Variants in RNF180 observed in about 807,000 individuals in gnomAD.
The protein encoded by RNF180 is E3 ubiquitin-protein ligase RNF180.
Under a neutral mutation model 59.2 loss-of-function variants are expected in RNF180, and 38 were observed. That is an observed-to-expected ratio of 0.64 (90% CI 0.50 to 0.84). RNF180 has a LOEUF of 0.84. Ranked by LOEUF, RNF180 falls within the 40% of genes least tolerant of loss-of-function variation. The pLI is 0.00. For missense variants in RNF180, 705 were observed against 700.9 expected (o/e 1.01, Z -0.07); for synonymous variants, 262 against 240.3 (o/e 1.09, Z -0.84).
At chr5:64,345,783 A>T (rs892831647) in intron 7 of RNF180, among the ~76,000 whole-genome samples, 1 of 152,160 alleles carries the variant, frequency 6.6e-6, no homozygotes, top group Non-Finnish European at 1.5e-5. Context: ...TACTGACCAA[A>T]ACCTACTATT....
intron 7 of RNF180, among the ~76,000 whole-genome samples, chr5:64,362,043 T>C (rs1321929581): frequency 6.6e-6 from 1 of 151,472 alleles, no homozygotes. Flanking sequence ...ATTAATTTAA[T>C]AAATTTATTT....
chr5:64,213,879 G>C lies in RNF180; in HGVS notation c.553G>C (p.Glu185Gln). 4 of 1,614,108 alleles carry C rather than the reference G, an allele frequency of 2.5e-6. No homozygotes were observed. Among genetic ancestry groups the C allele is most frequent in the Non-Finnish European group, 2.5e-6 (3 of 1,180,006 alleles). Reference sequence around the variant, plus strand: ...AAGATTAACAGAAGCACTCTGCCTGGAGGTGCGACCAACATATTTTGAGAT... The same window carrying C: ...AAGATTAACAGAAGCACTCTGCCTGCAGGTGCGACCAACATATTTTGAGAT... ...PGRLTEALCL[E>Q]VRPTYFEMKN... The change falls in exon 4 of 8, where the codon GAG becomes CAG. Residue 185 changes from glutamate to glutamine, a missense_variant. By Grantham distance (29) the Glu-to-Gln change is conservative (BLOSUM62 2). Transcript: ENST00000389100.
At chr5:64,211,392 C>T (rs1752302530) in intron 2 of RNF180, among the ~76,000 whole-genome samples, 1 of 152,138 alleles carries the variant, frequency 6.6e-6, no homozygotes, top group Middle Eastern at 3.2e-3. Context: ...GTTTGTCCCC[C>T]TCTTCTTCCT....
At chr5:64,276,724 ATAATG>A (rs1387829718) in intron 5 of RNF180, among the ~76,000 whole-genome samples, 2 of 152,144 alleles carry the variant, frequency 1.3e-5, no homozygotes, top group African/African-American at 4.8e-5. Flanking sequence ...ACAAATCAAA[ATAATG>A]TAAACTCAGG....
intron 7 of RNF180, among the ~76,000 whole-genome samples, chr5:64,360,110 T>G (rs942487333): frequency 6.6e-6 from 1 of 151,876 alleles, no homozygotes; most frequent in Non-Finnish European, 1.5e-5. Context: ...ATTGACTTGG[T>G]TATGCGGGCT....
intron 5 of RNF180, among the ~76,000 whole-genome samples, chr5:64,281,661 GCT>G (rs1742016314): frequency 2.0e-5 from 3 of 152,036 alleles, no homozygotes; most frequent in Non-Finnish European, 4.4e-5. Flanking sequence ...ACCATGCCTG[GCT>G]AATTTTGTAT....
At chr5:64,349,593 C>T (rs779897877) in intron 7 of RNF180, among the ~76,000 whole-genome samples, 21 of 151,886 alleles carry the variant, frequency 1.4e-4, no homozygotes, top group Non-Finnish European at 2.8e-4. Flanking sequence ...TTGCCCCCCA[C>T]CACACCATGA....
At chr5:64,317,942 A>C (rs925273604) in intron 5 of RNF180, among the ~76,000 whole-genome samples, 2 of 152,312 alleles carry the variant, frequency 1.3e-5, no homozygotes, top group South Asian at 4.1e-4. Context: ...TCTAACACAA[A>C]GCCTGTTTTA....
intron 3 of RNF180, among the ~76,000 whole-genome samples, chr5:64,212,777 A>G (rs1752376780): frequency 6.6e-6 from 1 of 152,206 alleles, no homozygotes; most frequent in East Asian, 1.9e-4. Flanking sequence ...TTCACAATTC[A>G]AAACTCCTGT....
At chr5:64,268,185 CT>C (rs1744797484) in intron 5 of RNF180, among the ~76,000 whole-genome samples, 2 of 152,060 alleles carry the variant, frequency 1.3e-5, no homozygotes, top group South Asian at 4.1e-4. Flanking sequence ...TATGCCTTTA[CT>C]TTTAGCTAGC....
intron 5 of RNF180, among the ~76,000 whole-genome samples, chr5:64,278,412 G>A (rs960802096): frequency 5.3e-5 from 8 of 152,186 alleles, no homozygotes; most frequent in African/African-American, 1.9e-4. Flanking sequence ...TAAAAGATCT[G>A]TCTTGCAGTA....
chr5:64,269,962 G>A (rs1744915857), intron 5 of RNF180, among the ~76,000 whole-genome samples: 1 of 151,728 alleles, frequency 6.6e-6, no homozygotes, highest in Non-Finnish European at 1.5e-5. Context: ...GTCAACCCAG[G>A]TCTCCATAAT....
chr5:64,257,940 C>T (rs1290635781), intron 5 of RNF180, among the ~76,000 whole-genome samples: 1 of 152,284 alleles, frequency 6.6e-6, no homozygotes, highest in African/African-American at 2.4e-5. Flanking sequence ...GGACATAGTG[C>T]TTGCTGCCTA....
intron 5 of RNF180, among the ~76,000 whole-genome samples, chr5:64,318,488 A>G (rs1004941945): frequency 6.6e-6 from 1 of 152,178 alleles, no homozygotes; most frequent in African/African-American, 2.4e-5. Flanking sequence ...TAATATTTTC[A>G]GGTAAATGGT....
chr5:64,279,602 A>G (rs1039778145), intron 5 of RNF180, among the ~76,000 whole-genome samples: 4 of 152,176 alleles, frequency 2.6e-5, no homozygotes, highest in Admixed American at 2.6e-4. Flanking sequence ...ACATACTTAA[A>G]TATTAGTAAT....
intron 7 of RNF180, among the ~76,000 whole-genome samples, chr5:64,343,896 G>C (rs1249342543): frequency 6.6e-6 from 1 of 151,418 alleles, no homozygotes; most frequent in Non-Finnish European, 1.5e-5. Flanking sequence ...CAGAACTTTA[G>C]CAAGGAAGGT....
At position 64,214,152 on chromosome 5, in the gene RNF180, A is replaced by T; in HGVS notation, c.826A>T (p.Asn276Tyr). 2 of 1,614,174 alleles carry T rather than the reference A, an allele frequency of 1.2e-6. No individual in the cohort carries two copies. The highest frequency in any genetic ancestry group is 1.7e-6 in the Non-Finnish European group (2 of 1,180,024). ...AGGCTTGCCTTTACAATCTAGTAAA[A>T]ATAGCTATTCCTTTCAGAATCCATC... is the stretch of plus-strand genomic sequence containing the variant. ...LSGLPLQSSK[N>Y]SYSFQNPSSF... is the part of the protein sequence containing the mutation. Residue 276 changes from asparagine to tyrosine, a missense_variant, in exon 4 of 8, where the codon AAT becomes TAT. Asn to Tyr is a moderately radical substitution (Grantham distance 143). Coordinates refer to ENST00000389100, the MANE Select transcript of RNF180 (RefSeq NM_001113561.2).
At chr5:64,243,833 A>G (rs1480956062) in intron 5 of RNF180, among the ~76,000 whole-genome samples, 1 of 152,174 alleles carries the variant, frequency 6.6e-6, no homozygotes, top group East Asian at 1.9e-4. Context: ...CACCTCATAC[A>G]GGACAGTTCT....
chr5:64,192,903 G>GTGTATATATATA (rs1486448173), intron 1 of RNF180, among the ~76,000 whole-genome samples: 3 of 93,890 alleles, frequency 3.2e-5, no homozygotes, highest in African/African-American at 1.2e-4. Flanking sequence ...AGTGTGGCAT[G>GTGTATATATATA]TATATATATA....
Sources: gnomAD v4.1 joint callset for allele counts (sites outside exome capture counted in the v4.1 genomes callset) on GRCh38, gnomAD v4.1.1 for gene constraint, MANE v1.5 for transcripts, NCBI Gene and HGNC (gene_info 2026-07-23, HGNC 2026-07-21) for gene names.